GFRA1: variants seen among roughly 807,000 people sequenced by gnomAD.
GFRA1 encodes the protein GDNF family receptor alpha 1.
In GFRA1, 16 loss-of-function variants were observed where a neutral mutation model predicts 51.6. The observed-to-expected ratio is 0.31, with a 90% confidence interval of 0.21 to 0.47. The LOEUF (loss-of-function observed/expected upper bound fraction) is 0.47. Ranked by LOEUF, GFRA1 falls within the 20% of genes least tolerant of loss-of-function variation. The pLI, the probability that GFRA1 is intolerant of heterozygous loss-of-function variation, is 1.00. For missense variants in GFRA1, 530 were observed against 594.3 expected, an observed-to-expected ratio of 0.89 and a Z score of 1.13; for synonymous variants, 270 against 241.3, an observed-to-expected ratio of 1.12 and a Z score of -1.10.
At chr10:116,224,886 G>A (rs1966171459) in intron 4 of GFRA1, among the ~76,000 whole-genome samples, 1 of 152,186 alleles carries the variant, frequency 6.6e-6, no homozygotes, top group South Asian at 2.1e-4. Context: ...GACAACCCCT[G>A]CCTCTCTGAG....
intron 4 of GFRA1, among the ~76,000 whole-genome samples, chr10:116,232,513 AAAAT>A (rs1966745033): frequency 1.3e-5 from 2 of 152,170 alleles, no homozygotes; most frequent in Non-Finnish European, 2.9e-5. Flanking sequence ...AAAAAAAAAA[AAAAT>A]ACTAATCCTG....
chr10:116,061,722 C>T lies in GFRA1; in HGVS notation c.*2676G>A, dbSNP rs531407098. ...TGTCTTCAGTGGCACCCCAAATGCCCGGACTGAAGGACAGGAAGTAGCGAA... is the reference window on the plus strand; with the variant it reads ...TGTCTTCAGTGGCACCCCAAATGCCTGGACTGAAGGACAGGAAGTAGCGAA... On this transcript the variant is annotated 3_prime_UTR_variant, in exon 11 of 11. Transcript: ENST00000355422. The T allele has an allele frequency of 3.4e-5, 11 of 321,202 alleles. No homozygotes were observed. The highest frequency in any genetic ancestry group is 5.6e-5 in the Non-Finnish European group (10 of 177,842). The allele number at this position is 321,202 out of a possible 1,614,324, so 19.9% of individuals were successfully genotyped here.
chr10:116,196,596 AATAT>A lies in GFRA1; in HGVS notation c.433+15031_433+15034del, dbSNP rs71967438. ...ATATATAATATATAGTACTATATAT[AATAT>A]ATATATAGTACTATATATAATATAT... On this transcript the variant is annotated intron_variant, in intron 5 of 10. Transcript: ENST00000355422. Among the ~76,000 whole-genome samples, 5 of 13,456 alleles carry A rather than the reference AATAT, an allele frequency of 3.7e-4. No homozygotes were observed. In the South Asian group the frequency reaches 0.019, roughly 52 times the overall value. 8.8% of individuals were successfully genotyped at this position (13,456 alleles called of 152,430 possible).
rs560219350 is a variant in GFRA1 at position 116,191,904 on chromosome 10, G to A, written c.433+19727C>T. Reference sequence around the variant, plus strand: ...TAGCCGGGCGTGGTGGCAGCCACCTGTAATCCCAGCTACTATGGAGGCTGA... The same window carrying A: ...TAGCCGGGCGTGGTGGCAGCCACCTATAATCCCAGCTACTATGGAGGCTGA... On this transcript the variant is annotated intron_variant, in intron 5 of 10. Coordinates refer to ENST00000355422, the MANE Select transcript of GFRA1 (RefSeq NM_005264.8). Among the ~76,000 whole-genome samples the A allele has an allele frequency of 1.9e-4, 29 of 152,286 alleles. 1 individual carries two copies. In the South Asian group the frequency reaches 6.0e-3, roughly 32 times the overall value.
At chr10:116,254,467 T>C (rs1348393622) in intron 4 of GFRA1, among the ~76,000 whole-genome samples, 1 of 151,188 alleles carries the variant, frequency 6.6e-6, no homozygotes, top group Non-Finnish European at 1.5e-5. Context: ...AAACAGAAGT[T>C]CGAGACCATC....
At chr10:116,076,753 G>A (rs1955635575) in intron 9 of GFRA1, among the ~76,000 whole-genome samples, 1 of 152,258 alleles carries the variant, frequency 6.6e-6, no homozygotes, top group Non-Finnish European at 1.5e-5. Context: ...CAAGGGTCCT[G>A]GGACCTAATT....
chr10:116,205,596 GATATATATATATAT>G (rs140642664), intron 5 of GFRA1, among the ~76,000 whole-genome samples: 31,200 of 140,422 alleles, frequency 0.22, 3,610 homozygotes, highest in South Asian at 0.29. Flanking sequence ...AAAAAAAAAA[GATATATATATATAT>G]ATATATATAT....
intron 6 of GFRA1, among the ~76,000 whole-genome samples, chr10:116,121,742 C>T (rs1451131786): frequency 2.6e-5 from 4 of 152,108 alleles, no homozygotes; most frequent in South Asian, 2.1e-4. Context: ...CATCCCTTCC[C>T]TTTGGGGCTA....
intron 6 of GFRA1, among the ~76,000 whole-genome samples, chr10:116,117,907 C>T (rs925493937): frequency 2.0e-5 from 3 of 152,084 alleles, no homozygotes; most frequent in Non-Finnish European, 2.9e-5. Context: ...CTCTGTTCCC[C>T]TTTGGCTTTT....
At chr10:116,235,430 T>A (rs774891540) in intron 4 of GFRA1, among the ~76,000 whole-genome samples, 8 of 124,786 alleles carry the variant, frequency 6.4e-5, no homozygotes, top group Non-Finnish European at 7.7e-5. Flanking sequence ...CCAAATCCCT[T>A]GCTAAAGTCC....
intron 4 of GFRA1, 63 bp from the exon 5 acceptor site, chr10:116,211,708 A>G: frequency 1.5e-6 from 2 of 1,305,452 alleles, no homozygotes; most frequent in Non-Finnish European, 2.2e-6. Context: ...AAAAATATTA[A>G]TAATAATGTT....
At chr10:116,244,789 A>T (rs1967731038) in intron 4 of GFRA1, among the ~76,000 whole-genome samples, 1 of 152,154 alleles carries the variant, frequency 6.6e-6, no homozygotes, top group African/African-American at 2.4e-5. Context: ...ATAGAGAAGT[A>T]TTAGAAGAGG....
Position 116,057,102 on chromosome 10 carries a change from A to G in GFRA1, c.*7296T>C, listed in dbSNP as rs981397787. The G allele has an allele frequency of 6.6e-6, 1 of 152,180 alleles. No homozygotes were observed. The highest frequency in any genetic ancestry group is 2.4e-5 in the African/African-American group (1 of 41,458). The allele number at this position is 152,180 out of a possible 1,614,324, so 9.4% of individuals were successfully genotyped here. Reference sequence around the variant, plus strand: ...GTACTTCTACAGGAGATGTTCTTCCAAGGGTGTTGGCAATAAAGGCTGTTG... The same window carrying G: ...GTACTTCTACAGGAGATGTTCTTCCGAGGGTGTTGGCAATAAAGGCTGTTG... On this transcript the variant is annotated 3_prime_UTR_variant, in exon 11 of 11. Transcript: ENST00000355422.
At chr10:116,157,651 G>T (rs919623870) in intron 5 of GFRA1, among the ~76,000 whole-genome samples, 2 of 152,156 alleles carry the variant, frequency 1.3e-5, no homozygotes, top group African/African-American at 4.8e-5. Flanking sequence ...CCTCCCATGA[G>T]ACTCCTCCTC....
At chr10:116,106,236 T>G (rs992713266) in intron 6 of GFRA1, among the ~76,000 whole-genome samples, 8 of 152,148 alleles carry the variant, frequency 5.3e-5, no homozygotes, top group Admixed American at 5.2e-4. Flanking sequence ...ACCCTATAGA[T>G]CAGTAAGAGA....
At chr10:116,170,966 T>A (rs1367549729) in intron 5 of GFRA1, among the ~76,000 whole-genome samples, 1 of 152,184 alleles carries the variant, frequency 6.6e-6, no homozygotes, top group Non-Finnish European at 1.5e-5. Context: ...CCCAGCCAGG[T>A]CTCCAAAGTC....
intron 6 of GFRA1, among the ~76,000 whole-genome samples, chr10:116,124,769 A>G (rs1957784139): frequency 6.6e-6 from 1 of 152,158 alleles, no homozygotes; most frequent in Non-Finnish European, 1.5e-5. Flanking sequence ...CCAAGGCTGG[A>G]CACTGCTCAG....
At chr10:116,116,090 C>G (rs902538902) in intron 6 of GFRA1, among the ~76,000 whole-genome samples, 7 of 151,052 alleles carry the variant, frequency 4.6e-5, no homozygotes, top group African/African-American at 1.4e-4. Context: ...ACTGTACTCT[C>G]TCTCTCTCTT....
intron 4 of GFRA1, among the ~76,000 whole-genome samples, chr10:116,264,166 T>C (rs1476403182): frequency 6.6e-6 from 1 of 152,048 alleles, no homozygotes; most frequent in Admixed American, 6.6e-5. Context: ...GGCTGAGGTC[T>C]CCAGAATGAA....
Sources: allele counts gnomAD v4.1 joint callset (sites outside exome capture counted in the v4.1 genomes callset), GRCh38; gene constraint gnomAD v4.1.1; transcripts MANE v1.5; gene names NCBI Gene and HGNC (gene_info 2026-07-23, HGNC 2026-07-21).